The following ZNF236 variants were observed in gnomAD, a reference collection of about 807,000 sequenced individuals.
The protein encoded by ZNF236 is regulated by glucose.
A neutral mutation model predicts 191.2 loss-of-function variants in ZNF236; 50 were observed. That is an observed-to-expected ratio of 0.26 (90% CI 0.21 to 0.33). ZNF236 has a LOEUF of 0.33. Among genes scored for constraint, ZNF236 ranks in the 10% least tolerant of loss-of-function variants. The pLI, the probability that ZNF236 is intolerant of heterozygous loss-of-function variation, is 1.00. For missense variants in ZNF236, 1,754 were observed against 2,374.5 expected (o/e 0.74, Z 5.43); for synonymous variants, 907 against 928.8 (o/e 0.98, Z 0.43).
intron 8 of ZNF236, 137 bp from the exon 9 acceptor site, chr18:76,881,147 T>C (rs1221660213): frequency 2.2e-5 from 17 of 781,674 alleles, no homozygotes; most frequent in Non-Finnish European, 2.8e-5. Flanking sequence ...GCCTCACTTA[T>C]AAGTGATGAC....
chr18:76,951,431 T>C (rs1174401807), intron 27 of ZNF236, among the ~76,000 whole-genome samples: 1 of 152,238 alleles, frequency 6.6e-6, no homozygotes, highest in Admixed American at 6.5e-5. Flanking sequence ...TGCTATGTTA[T>C]GGAGGGTGGC....
chr18:76,826,545 C>T (rs113441042), intron 1 of ZNF236, among the ~76,000 whole-genome samples: 1 of 150,668 alleles, frequency 6.6e-6, no homozygotes, highest in African/African-American at 2.4e-5. Context: ...AATCCCAGCT[C>T]TTTGGGAGGC....
At chr18:76,946,126 A>G (rs1293680737) in intron 26 of ZNF236, among the ~76,000 whole-genome samples, 4 of 152,108 alleles carry the variant, frequency 2.6e-5, no homozygotes, top group African/African-American at 7.2e-5. Context: ...TTGAATTCCC[A>G]TGTGTTGTGG....
chr18:76,924,263 C>T (rs1297706576), intron 21 of ZNF236, among the ~76,000 whole-genome samples: 1 of 152,224 alleles, frequency 6.6e-6, no homozygotes, highest in African/African-American at 2.4e-5. Flanking sequence ...CACGGCCTCT[C>T]ATGCAGCAGG....
rs371843621 is a variant in ZNF236, at chr18:76,896,815, A to G, written c.1690+1530A>G. On this transcript the variant is annotated intron_variant, in intron 10 of 30. Transcript: ENST00000320610. ...ATGGCCTGCAGTGCTGCACACAGGT[A>G]CTGGCCACAGGGACCACACAGTACT... Among the ~76,000 whole-genome samples the G allele has an allele frequency of 2.6e-5, 4 of 151,872 alleles. No homozygotes were observed. In the East Asian group the frequency reaches 5.8e-4, roughly 22 times the overall value.
At position 76,920,464 on chromosome 18, in the gene ZNF236, T is replaced by C. The variant is rs545656780; in HGVS notation, c.3557+406T>C. 5.3e-5 allele frequency among the ~76,000 whole-genome samples: 8 copies of C among 151,210 alleles called. No homozygotes were observed. In the South Asian group the frequency reaches 1.7e-3, roughly 32 times the overall value. ...TACTCGGGAGCCTGAGACAGGAGAA[T>C]CGCTTGAACCTGAGAGGTGGAGGTT... On this transcript the variant is annotated intron_variant, in intron 20 of 30. Transcript: ENST00000320610.
chr18:76,859,996 G>A (rs1976166451), intron 3 of ZNF236, among the ~76,000 whole-genome samples: 1 of 152,176 alleles, frequency 6.6e-6, no homozygotes, highest in South Asian at 2.1e-4. Flanking sequence ...TCTGGGCTGG[G>A]CGGGGGTATG....
chr18:76,906,127 C>T lies in ZNF236; in HGVS notation c.2297+712C>T, dbSNP rs148296436. 2.8e-3 allele frequency among the ~76,000 whole-genome samples: 424 copies of T among 152,300 alleles called. 6 individuals carry two copies. Among genetic ancestry groups the T allele is most frequent in the African/African-American group, 9.9e-3 (411 of 41,560 alleles). Reference sequence around the variant, plus strand: ...AGACAGCATTTTAACCCAGATATGTCTGCCTGGATGTCGTCTACAAAGCAA... The same window carrying T: ...AGACAGCATTTTAACCCAGATATGTTTGCCTGGATGTCGTCTACAAAGCAA... On this transcript the variant is annotated intron_variant, in intron 13 of 30. Coordinates refer to ENST00000320610, the MANE Select transcript of ZNF236 (RefSeq NM_001306089.2).
intron 1 of ZNF236, among the ~76,000 whole-genome samples, chr18:76,825,819 C>T (rs566791391): frequency 6.6e-6 from 1 of 152,168 alleles, no homozygotes; most frequent in African/African-American, 2.4e-5. Flanking sequence ...CAATGTTGCC[C>T]AGGCTGGTCT....
At chr18:76,967,861 G>A (rs1968823312) in intron 30 of ZNF236, among the ~76,000 whole-genome samples, 2 of 152,212 alleles carry the variant, frequency 1.3e-5, no homozygotes, top group East Asian at 1.9e-4. Flanking sequence ...AGGAAAAAGG[G>A]GTAATTTTTT....
intron 3 of ZNF236, among the ~76,000 whole-genome samples, chr18:76,855,442 A>G (rs1976013903): frequency 6.6e-6 from 1 of 152,280 alleles, no homozygotes; most frequent in African/African-American, 2.4e-5. Flanking sequence ...TTCTATGCCT[A>G]TACACATCTC....
intron 8 of ZNF236, 101 bp from the exon 9 acceptor site, chr18:76,881,183 G>C: frequency 1.0e-6 from 1 of 994,068 alleles, no homozygotes; most frequent in East Asian, 2.6e-5. Flanking sequence ...CTTATTTCTT[G>C]GAGTGGAATT....
chr18:76,952,763 A>T (rs916193894), intron 27 of ZNF236, among the ~76,000 whole-genome samples: 2 of 152,206 alleles, frequency 1.3e-5, no homozygotes, highest in African/African-American at 4.8e-5. Context: ...AGCTATGATC[A>T]CCACTGTACT....
chr18:76,872,750 A>G (rs1976613557), intron 5 of ZNF236, among the ~76,000 whole-genome samples: 4 of 152,154 alleles, frequency 2.6e-5, no homozygotes, highest in Admixed American at 1.3e-4. Context: ...TTGTACGAAT[A>G]TTTTTAGTAT....
chr18:76,853,467 A>G (rs1975942972), intron 3 of ZNF236, among the ~76,000 whole-genome samples: 1 of 152,202 alleles, frequency 6.6e-6, no homozygotes, highest in Admixed American at 6.5e-5. Context: ...TCAACATCTT[A>G]TAATACAAGT....
intron 3 of ZNF236, among the ~76,000 whole-genome samples, chr18:76,859,485 C>A (rs1254815770): frequency 2.6e-5 from 4 of 152,106 alleles, no homozygotes; most frequent in African/African-American, 7.2e-5. Flanking sequence ...ATTTGAAAGA[C>A]CAACCCGGGT....
intron 1 of ZNF236, among the ~76,000 whole-genome samples, chr18:76,826,729 G>A (rs552982434): frequency 8.6e-5 from 13 of 150,802 alleles, no homozygotes; most frequent in Non-Finnish European, 1.2e-4. Context: ...GAGCCCAGGA[G>A]GTAGAGGTTG....
rs1371937648 is a variant in ZNF236, at chr18:76,937,238, C to T, written c.4677C>T (p.Ser1559=). The T allele has an allele frequency of 6.2e-7, 1 of 1,614,152 alleles. No homozygotes were observed. Residue 1559 remains serine (S), a synonymous_variant, in exon 26 of 31, where the codon TCC becomes TCT. Transcript: ENST00000320610. ...TCTCGACTCAGAACCTGGTCATGTC[C>T]TCGTCGGGCGTGGGAGGTGACGCTA... ...SAISTQNLVM[S]SSGVGGDASV...
At chr18:76,823,753 G>A (rs1282744740) in intron 1 of ZNF236, among the ~76,000 whole-genome samples, 1 of 152,234 alleles carries the variant, frequency 6.6e-6, no homozygotes, top group Non-Finnish European at 1.5e-5. Flanking sequence ...CGGAGCTTGA[G>A]GAACGGACTT....
Sources: allele counts gnomAD v4.1 joint callset (sites outside exome capture counted in the v4.1 genomes callset), GRCh38; gene constraint gnomAD v4.1.1; transcripts MANE v1.5; gene names NCBI Gene and HGNC (gene_info 2026-07-23, HGNC 2026-07-21).